Variants in HECW1 observed in about 807,000 individuals in gnomAD.
The protein encoded by HECW1 is HECT, C2 and WW domain containing E3 ubiquitin protein ligase 1, also known as E3 ubiquitin-protein ligase HECW1.
In HECW1, 61 loss-of-function variants were observed where a neutral mutation model predicts 182.3. The observed-to-expected ratio is 0.33, with a 90% CI of 0.27 to 0.41. HECW1 has a LOEUF of 0.41. HECW1 is among the 10% of genes least tolerant of loss of function. The pLI is 1.00. For missense variants in HECW1, 1,739 were observed against 2,108.9 expected (o/e 0.82, Z 3.44); for synonymous variants, 859 against 832.6 (o/e 1.03, Z -0.55).
At chr7:43,367,845 C>A (rs1414880157) in intron 6 of HECW1, among the ~76,000 whole-genome samples, 3 of 152,138 alleles carry the variant, frequency 2.0e-5, no homozygotes. Context: ...AGCTGAGAAT[C>A]CACATCACAT....
chr7:43,226,994 G>T (rs1398826179), intron 2 of HECW1, among the ~76,000 whole-genome samples: 2 of 152,158 alleles, frequency 1.3e-5, no homozygotes, highest in African/African-American at 4.8e-5. Context: ...GATGACCATG[G>T]TTGCCATTAT....
rs1017209753 is a variant in HECW1 at position 43,202,992 on chromosome 7, C to T, written c.-31-40883C>T. Among the ~76,000 whole-genome samples, 102 of 152,048 alleles carry T rather than the reference C, an allele frequency of 6.7e-4. 1 individual carries two copies. The highest frequency in any genetic ancestry group is 5.0e-3 in the Admixed American group (77 of 15,270). On this transcript the variant is annotated intron_variant, in intron 2 of 29. Coordinates refer to ENST00000395891, the MANE Select transcript of HECW1 (RefSeq NM_015052.5). ...AAACAGCCCCACCCCTATCTCCCTT[C>T]GCTGATTCTCTTTTTGGACTCAGCC... is the stretch of plus-strand genomic sequence containing the variant.
At chr7:43,113,830 G>T in intron 1 of HECW1, 1 of 232,688 alleles carries the variant, frequency 4.3e-6, no homozygotes, top group Non-Finnish European at 8.5e-6. Context: ...CCGCTTTGAC[G>T]TCCCGGCCAC....
intron 2 of HECW1, among the ~76,000 whole-genome samples, chr7:43,186,451 A>G (rs1443570757): frequency 6.6e-6 from 1 of 152,090 alleles, no homozygotes; most frequent in Non-Finnish European, 1.5e-5. Flanking sequence ...ATGGATCACG[A>G]GGTCAGGAGA....
In HECW1 at chr7:43,562,380, C is replaced by T. The variant is rs977497600; in HGVS notation, c.*454C>T. 2 of 229,578 alleles carry T rather than the reference C, an allele frequency of 8.7e-6. No individual in the cohort carries two copies. Among genetic ancestry groups the T allele is most frequent in the Non-Finnish European group, 1.7e-5 (2 of 115,878 alleles). 14.2% of individuals were successfully genotyped at this position (229,578 alleles called of 1,614,324 possible). A position where few individuals can be genotyped will look rare whatever the true frequency, so the allele number is the denominator to read the frequency against. The stretch of plus-strand genomic sequence containing the variant: ...ATTTTTTATAATTTCTAATAACCAA[C>T]TCCAGAACTAGGAGCTGATCAACTC... On this transcript the variant is annotated 3_prime_UTR_variant, in exon 30 of 30. Transcript: ENST00000395891.
At chr7:43,251,719 C>G (rs375065932) in intron 3 of HECW1, among the ~76,000 whole-genome samples, 1 of 152,138 alleles carries the variant, frequency 6.6e-6, no homozygotes, top group Non-Finnish European at 1.5e-5. Flanking sequence ...AAAACCCAGC[C>G]GATGCTCTGG....
At chr7:43,461,002 C>A (rs1259796464) in intron 13 of HECW1, among the ~76,000 whole-genome samples, 1 of 152,178 alleles carries the variant, frequency 6.6e-6, no homozygotes, top group African/African-American at 2.4e-5. Context: ...GTGTTTACTG[C>A]ATATTGGGAA....
intron 8 of HECW1, among the ~76,000 whole-genome samples, chr7:43,417,941 CA>C (rs1174432380): frequency 6.6e-6 from 1 of 152,104 alleles, no homozygotes; most frequent in African/African-American, 2.4e-5. Context: ...CTTAAAACTA[CA>C]AAAATATATT....
chr7:43,543,430 GA>G (rs1025491264), intron 26 of HECW1, among the ~76,000 whole-genome samples: 8 of 151,946 alleles, frequency 5.3e-5, no homozygotes, highest in African/African-American at 1.9e-4. Flanking sequence ...ACGTATTTGA[GA>G]AAAAAATATT....
At chr7:43,420,553 C>T (rs989151953) in intron 8 of HECW1, among the ~76,000 whole-genome samples, 1 of 152,124 alleles carries the variant, frequency 6.6e-6, no homozygotes. Flanking sequence ...TTTCAGATAA[C>T]ATTGTTGTGT....
rs1010282566 is a variant in HECW1, at chr7:43,432,971, C to T, written c.802-5032C>T. On this transcript the variant is annotated intron_variant, in intron 8 of 29. Transcript: ENST00000395891. This position sits in a 1 kb window ranked among gnomAD's most constrained non-coding sequence, Gnocchi z 4.1. Reference sequence around the variant, plus strand: ...AAATAAATAACATCCTCCTATATTGCAGCACCAGTGCTAATATCTCTCTGG... The same window carrying T: ...AAATAAATAACATCCTCCTATATTGTAGCACCAGTGCTAATATCTCTCTGG... 2.0e-5 allele frequency among the ~76,000 whole-genome samples: 3 copies of T among 152,218 alleles called. No individual in the cohort carries two copies. The highest frequency in any genetic ancestry group is 7.2e-5 in the African/African-American group (3 of 41,452).
intron 15 of HECW1, among the ~76,000 whole-genome samples, chr7:43,467,091 T>G (rs1011086414): frequency 1.3e-5 from 2 of 152,236 alleles, no homozygotes; most frequent in Non-Finnish European, 2.9e-5. Context: ...ACTATATTCA[T>G]TAATTTTTCC....
At chr7:43,332,010 C>T (rs952230454) in intron 5 of HECW1, among the ~76,000 whole-genome samples, 1 of 152,060 alleles carries the variant, frequency 6.6e-6, no homozygotes, top group East Asian at 1.9e-4. Context: ...GTGGGATGAC[C>T]AGAAGTGTGG....
At chr7:43,555,461 T>A (rs1563123717) in intron 29 of HECW1, among the ~76,000 whole-genome samples, 1 of 152,218 alleles carries the variant, frequency 6.6e-6, no homozygotes, top group Non-Finnish European at 1.5e-5. Context: ...GAAGAGACAG[T>A]TGTGCATAGG....
At chr7:43,239,632 A>G (rs746036753) in intron 2 of HECW1, among the ~76,000 whole-genome samples, 1 of 152,210 alleles carries the variant, frequency 6.6e-6, no homozygotes, top group Non-Finnish European at 1.5e-5. Flanking sequence ...AATTGTCCAT[A>G]CTTAGGACAA....
intron 2 of HECW1, among the ~76,000 whole-genome samples, chr7:43,136,224 C>T (rs1456191266): frequency 6.6e-6 from 1 of 152,182 alleles, no homozygotes; most frequent in Admixed American, 6.5e-5. Flanking sequence ...GGCTCTAGAC[C>T]TTGCCAAATT....
At chr7:43,551,590 TC>T (rs563340214) in intron 27 of HECW1, among the ~76,000 whole-genome samples, 287 of 152,336 alleles carry the variant, frequency 1.9e-3, no homozygotes, top group Non-Finnish European at 3.6e-3. Flanking sequence ...TTTGAAAACT[TC>T]AATGTGACTT....
chr7:43,223,423 G>C (rs1178152759), intron 2 of HECW1, among the ~76,000 whole-genome samples: 1 of 152,172 alleles, frequency 6.6e-6, no homozygotes, highest in African/African-American at 2.4e-5. Flanking sequence ...TTCCAGACCA[G>C]CCTGGCTAAC....
Position 43,435,213 on chromosome 7 carries a change from C to T in HECW1, c.802-2790C>T, listed in dbSNP as rs2076673726. Among the ~76,000 whole-genome samples, 2 of 151,660 alleles carry T rather than the reference C, an allele frequency of 1.3e-5. 1 individual carries two copies. The highest frequency in any genetic ancestry group is 4.8e-5 in the African/African-American group (2 of 41,310). On this transcript the variant is annotated intron_variant, in intron 8 of 29. Transcript: ENST00000395891. ...TATGTGCATATCACCTATACCTAAC[C>T]TATTGTTGGGTATTTAGATTAGAAG...
Sources: allele counts gnomAD v4.1 joint callset (sites outside exome capture counted in the v4.1 genomes callset), GRCh38; gene constraint gnomAD v4.1.1; non-coding constraint Gnocchi (gnomAD v3.1); transcripts MANE v1.5; gene names NCBI Gene and HGNC (gene_info 2026-07-23, HGNC 2026-07-21).